KHDC1: variants seen among roughly 807,000 people sequenced by gnomAD.
The protein encoded by KHDC1 is KH domain containing 1, also known as KH homology domain-containing protein 1.
A neutral mutation model predicts 24.7 loss-of-function variants in KHDC1; 21 were observed. That is an observed-to-expected ratio of 0.85 (90% CI 0.60 to 1.23). The LOEUF (loss-of-function observed/expected upper bound fraction) is 1.23. KHDC1 is among the 50% of genes most tolerant of loss of function. The pLI is 0.00. For synonymous variants in KHDC1, 98 were observed against 111.7 expected (o/e 0.88, Z 0.77); for missense variants, 274 against 298.5 (o/e 0.92, Z 0.61).
intron 2 of KHDC1, among the ~76,000 whole-genome samples, chr6:73,283,728 C>T (rs1369745070): frequency 2.7e-5 from 4 of 150,786 alleles, no homozygotes; most frequent in African/African-American, 9.8e-5. Context: ...GCAACCTCTG[C>T]CCCCCAGGTT....
At chr6:73,307,287 G>T (rs1486614522) in intron 1 of KHDC1, among the ~76,000 whole-genome samples, 1 of 151,818 alleles carries the variant, frequency 6.6e-6, no homozygotes, top group Admixed American at 6.6e-5. Flanking sequence ...AATTAGCCAG[G>T]CGTGATGCCG....
In KHDC1 at chr6:73,262,816, AC is replaced by A; in HGVS notation, c.207-20287del. 1.0e-6 allele frequency: 1 copy of A among 985,578 alleles called. No homozygotes were observed. Among genetic ancestry groups the A allele is most frequent in the Non-Finnish European group, 1.2e-6 (1 of 830,018 alleles). The allele number at this position is 985,578 out of a possible 1,614,324, so 61.1% of individuals were successfully genotyped here. A position where few individuals can be genotyped will look rare whatever the true frequency, so the allele number is the denominator to read the frequency against. On this transcript the variant is annotated intron_variant, in intron 2 of 4. The change abolishes the stop of an existing upstream ORF in the 5' untranslated region. Transcript: ENST00000370384. Reference sequence around the variant, plus strand: ...TGCAGACACGCAACTCACTGACTCAACCAATGAGGAAATTATCCCACAAAGC... The same window carrying A: ...TGCAGACACGCAACTCACTGACTCAACAATGAGGAAATTATCCCACAAAGC...
chr6:73,247,256 T>A (rs1224768980), intron 2 of KHDC1, among the ~76,000 whole-genome samples: 1 of 151,996 alleles, frequency 6.6e-6, no homozygotes, highest in African/African-American at 2.4e-5. Flanking sequence ...AGATTACAGG[T>A]ATGAGCCAAC....
intron 1 of KHDC1, among the ~76,000 whole-genome samples, chr6:73,294,538 A>G (rs34637067): frequency 0.23 from 35,703 of 152,132 alleles, 4,895 homozygotes; most frequent in African/African-American, 0.37. Flanking sequence ...TGTGCCAAAT[A>G]TATTTGTATT....
At chr6:73,309,100 C>T (rs913275863) in intron 1 of KHDC1, among the ~76,000 whole-genome samples, 6 of 152,224 alleles carry the variant, frequency 3.9e-5, no homozygotes, top group Admixed American at 1.3e-4. Flanking sequence ...GGATTACAGG[C>T]GTGAGCCAAC....
chr6:73,287,739 T>C (rs545167251), intron 2 of KHDC1, among the ~76,000 whole-genome samples: 84 of 152,288 alleles, frequency 5.5e-4, no homozygotes, highest in African/African-American at 2.0e-3. Flanking sequence ...CAATGATACA[T>C]GTAGATTCAG....
chr6:73,302,385 TAGG>T (rs1168401102), intron 1 of KHDC1, among the ~76,000 whole-genome samples: 1 of 152,222 alleles, frequency 6.6e-6, no homozygotes, highest in Non-Finnish European at 1.5e-5. Context: ...AATGCACTGT[TAGG>T]AGATTTCATA....
chr6:73,249,781 G>T lies in KHDC1; in HGVS notation c.207-7251C>A, dbSNP rs527372905. On this transcript the variant is annotated intron_variant, in intron 2 of 4. Transcript: ENST00000370384. ...GTTTTGTTTTTAGAAACAGGGTCTT[G>T]CCCTATTACCCAGTCCAGAGAGTAG... Among the ~76,000 whole-genome samples, 4 of 151,922 alleles carry T rather than the reference G, an allele frequency of 2.6e-5. No homozygotes were observed. The South Asian group carries it at 8.4e-4, about 32-fold the overall frequency.
intron 1 of KHDC1, among the ~76,000 whole-genome samples, chr6:73,305,143 C>T (rs533166757): frequency 2.2e-4 from 34 of 152,074 alleles, no homozygotes; most frequent in Admixed American, 8.5e-4. Flanking sequence ...GAGGCTGAGG[C>T]ACGAAAATTG....
In KHDC1 at chr6:73,242,615, A is replaced by G. The variant is rs929892354; in HGVS notation, c.207-85T>C. 5.8e-6 allele frequency: 9 copies of G among 1,560,842 alleles called. No individual in the cohort carries two copies. In the African/African-American group the frequency reaches 6.8e-5, roughly 12 times the overall value. On this transcript the variant is annotated intron_variant, in intron 2 of 4. Coordinates refer to ENST00000370384, the Ensembl canonical transcript of KHDC1. ...GGAGGGCCTAGGCTCTGTCCTTAAC[A>G]TAGGAACCCAACAACCTGCCCCTTG...
At chr6:73,299,812 GGT>G (rs1767832583) in intron 1 of KHDC1, 1 of 152,166 alleles carries the variant, frequency 6.6e-6, no homozygotes, top group African/African-American at 2.4e-5. Context: ...ATGAGACCGC[GGT>G]GTGGTCTAGG....
chr6:73,259,067 TC>T (rs1766930786), intron 2 of KHDC1, among the ~76,000 whole-genome samples: 1 of 152,128 alleles, frequency 6.6e-6, no homozygotes, highest in South Asian at 2.1e-4. Flanking sequence ...TTACACAAAT[TC>T]CCTGGGGCCT....
intron 2 of KHDC1, among the ~76,000 whole-genome samples, chr6:73,255,550 C>A (rs1766865956): frequency 6.8e-6 from 1 of 147,314 alleles, no homozygotes; most frequent in South Asian, 2.2e-4. Context: ...CCAGTTTCCT[C>A]AAGAAAATGC....
In KHDC1 at chr6:73,247,783, G is replaced by A. The variant is rs149361967; in HGVS notation, c.207-5253C>T. ...GAGGTAGGAGAATGGCTTGACCTGG[G>A]AGGCAGAGGTTGCAGTGAGTGGACA... On this transcript the variant is annotated intron_variant, in intron 2 of 4. Transcript: ENST00000370384. Among the ~76,000 whole-genome samples, 571 of 151,038 alleles carry A rather than the reference G, an allele frequency of 3.8e-3. 3 individuals are homozygous for A. Among genetic ancestry groups the A allele is most frequent in the African/African-American group, 0.013 (551 of 40,898 alleles).
At chr6:73,302,237 C>T (rs564715816) in intron 1 of KHDC1, among the ~76,000 whole-genome samples, 8 of 152,122 alleles carry the variant, frequency 5.3e-5, no homozygotes, top group South Asian at 2.1e-4. Context: ...TGTGGTGAGC[C>T]GAGATCGTGC....
intron 2 of KHDC1, among the ~76,000 whole-genome samples, chr6:73,249,761 GT>G (rs1250787110): frequency 4.6e-5 from 7 of 151,410 alleles, no homozygotes; most frequent in Admixed American, 2.0e-4. Flanking sequence ...ATTTTGTTTT[GT>G]TTTTAGAAAC....
intron 1 of KHDC1, among the ~76,000 whole-genome samples, chr6:73,304,538 A>C (rs13194683): frequency 0.24 from 37,164 of 152,054 alleles, 5,402 homozygotes; most frequent in African/African-American, 0.4. Context: ...TGGGCTCCAG[A>C]GATCTCTCCC....
chr6:73,300,439 T>G (rs1767853450), intron 1 of KHDC1: 1 of 152,208 alleles, frequency 6.6e-6, no homozygotes, highest in Non-Finnish European at 1.5e-5. Context: ...CTCTGCTTTT[T>G]TTCTCCAAAT....
At chr6:73,284,199 A>G (rs1767474058) in intron 2 of KHDC1, among the ~76,000 whole-genome samples, 1 of 152,162 alleles carries the variant, frequency 6.6e-6, no homozygotes, top group African/African-American at 2.4e-5. Context: ...CTTCTGCCAA[A>G]ATGTAGGCAT....
Sources: gnomAD v4.1 joint callset for allele counts (sites outside exome capture counted in the v4.1 genomes callset) on GRCh38, gnomAD v4.1.1 for gene constraint, MANE v1.5 for transcripts, NCBI Gene and HGNC (gene_info 2026-07-23, HGNC 2026-07-21) for gene names.